TMEM117: variants seen among roughly 807,000 people sequenced by gnomAD.
TMEM117 encodes the protein transmembrane protein 117.
In TMEM117, 27 loss-of-function variants were observed where a neutral mutation model predicts 52.4. The ratio of observed to expected loss-of-function variants is 0.51; its 90% CI spans 0.38 to 0.71. TMEM117 has a LOEUF of 0.71. Ranked by LOEUF, TMEM117 falls within the 30% of genes least tolerant of loss-of-function variation. The pLI, the probability that TMEM117 is intolerant of heterozygous loss-of-function variation, is 0.00. For missense variants in TMEM117, 556 were observed against 630.5 expected, an observed-to-expected ratio of 0.88 and a Z score of 1.26; for synonymous variants, 215 against 206.3, an observed-to-expected ratio of 1.04 and a Z score of -0.36.
chr12:43,981,227 T>A (rs940779561), intron 3 of TMEM117, among the ~76,000 whole-genome samples: 1 of 152,220 alleles, frequency 6.6e-6, no homozygotes, highest in Non-Finnish European at 1.5e-5. Flanking sequence ...TCATTGGCCA[T>A]TTGATTATAT....
At chr12:44,231,707 C>T (rs1949935134) in intron 5 of TMEM117, among the ~76,000 whole-genome samples, 1 of 151,728 alleles carries the variant, frequency 6.6e-6, no homozygotes, top group Non-Finnish European at 1.5e-5. Context: ...TTGTATTCCC[C>T]TGATTATTGT....
chr12:44,231,990 T>C (rs1949939377), intron 5 of TMEM117, among the ~76,000 whole-genome samples: 1 of 151,652 alleles, frequency 6.6e-6, no homozygotes, highest in African/African-American at 2.4e-5. Context: ...AACTTCTCCA[T>C]GCCTCTTCTG....
At chr12:43,895,669 G>A (rs555596382) in intron 2 of TMEM117, among the ~76,000 whole-genome samples, 55 of 152,278 alleles carry the variant, frequency 3.6e-4, no homozygotes, top group Non-Finnish European at 4.4e-4. Flanking sequence ...TGTTATACAT[G>A]AGAAATGGTC....
chr12:43,824,798 G>A, the TMEM117 span, among the ~76,000 whole-genome samples: 232 of 152,264 alleles, frequency 1.5e-3, 1 homozygote, highest in African/African-American at 5.4e-3. Context: ...GCATGGTGGC[G>A]GGTGCCTGTA....
chr12:44,288,114 C>CT (rs1451127886), intron 5 of TMEM117, among the ~76,000 whole-genome samples: 1 of 152,110 alleles, frequency 6.6e-6, no homozygotes, highest in Non-Finnish European at 1.5e-5. Context: ...ATGGTGAAGT[C>CT]TATCAATTTT....
chr12:44,071,495 T>C (rs1337053925), intron 3 of TMEM117, among the ~76,000 whole-genome samples: 1 of 152,222 alleles, frequency 6.6e-6, no homozygotes, highest in Non-Finnish European at 1.5e-5. Flanking sequence ...CATTTAATCT[T>C]TATAACAACG....
chr12:44,298,186 T>A (rs1324765397), intron 5 of TMEM117, among the ~76,000 whole-genome samples: 1 of 150,712 alleles, frequency 6.6e-6, no homozygotes, highest in East Asian at 1.9e-4. Flanking sequence ...AATTTTTGGC[T>A]TAGAGGTTTA....
chr12:44,299,803 G>C, intron 6 of TMEM117, 64 bp downstream of exon 6: 1 of 1,569,878 alleles, frequency 6.4e-7, no homozygotes, highest in Non-Finnish European at 8.7e-7. Flanking sequence ...TAACAAACAG[G>C]ATATGGCAAC....
chr12:43,855,283 A>G (rs1370446755), intron 2 of TMEM117, among the ~76,000 whole-genome samples: 1 of 149,020 alleles, frequency 6.7e-6, no homozygotes, highest in Non-Finnish European at 1.5e-5. Context: ...TTTTTTTGAG[A>G]TGGAGTTTCA....
At chr12:43,808,000 G>GA in the TMEM117 span, among the ~76,000 whole-genome samples, 1 of 152,126 alleles carries the variant, frequency 6.6e-6, no homozygotes, top group African/African-American at 2.4e-5. Flanking sequence ...GTGACGAGCT[G>GA]AAAAAAATAG....
intron 6 of TMEM117, among the ~76,000 whole-genome samples, chr12:44,311,929 A>AT (rs1447427665): frequency 7.0e-6 from 1 of 143,504 alleles, no homozygotes; most frequent in Non-Finnish European, 1.5e-5. Flanking sequence ...ATATATATAT[A>AT]TTTTTCCTCC....
intron 6 of TMEM117, among the ~76,000 whole-genome samples, chr12:44,304,390 T>TA (rs1309668962): frequency 6.6e-6 from 1 of 152,192 alleles, no homozygotes; most frequent in Non-Finnish European, 1.5e-5. Flanking sequence ...AAAGGCAGTC[T>TA]AGGCCACAAG....
At chr12:44,282,333 A>G (rs1950588059) in intron 5 of TMEM117, among the ~76,000 whole-genome samples, 1 of 152,196 alleles carries the variant, frequency 6.6e-6, no homozygotes, top group Non-Finnish European at 1.5e-5. Context: ...TAACAGGCAG[A>G]GGTTGGAACA....
At chr12:44,181,918 G>T (rs1949205683) in intron 4 of TMEM117, among the ~76,000 whole-genome samples, 1 of 151,938 alleles carries the variant, frequency 6.6e-6, no homozygotes, top group African/African-American at 2.4e-5. Flanking sequence ...GATGGGGATG[G>T]CCTTGAATCT....
intron 5 of TMEM117, among the ~76,000 whole-genome samples, chr12:44,233,235 GTTTACC>G (rs1007369350): frequency 1.3e-5 from 2 of 151,180 alleles, no homozygotes; most frequent in Non-Finnish European, 3.0e-5. Flanking sequence ...AGAGTTCATA[GTTTACC>G]TTTATCAGCT....
chr12:44,135,913 A>T (rs566909077), intron 3 of TMEM117, among the ~76,000 whole-genome samples: 30 of 152,296 alleles, frequency 2.0e-4, no homozygotes, highest in African/African-American at 7.2e-4. Context: ...TTTTTGTTCT[A>T]CTTTGAACAG....
At chr12:44,397,579 T>C in the TMEM117 span, among the ~76,000 whole-genome samples, 5 of 152,232 alleles carry the variant, frequency 3.3e-5, no homozygotes, top group East Asian at 9.6e-4. Flanking sequence ...GCTGTACTTT[T>C]ATAACTGGTA....
intron 3 of TMEM117, among the ~76,000 whole-genome samples, chr12:44,039,104 T>A (rs910512673): frequency 6.6e-6 from 1 of 152,206 alleles, no homozygotes; most frequent in African/African-American, 2.4e-5. Flanking sequence ...GTTTCTTTCC[T>A]CTATGGATTG....
chr12:44,188,691 C>T (rs975567272), intron 4 of TMEM117, among the ~76,000 whole-genome samples: 7 of 152,104 alleles, frequency 4.6e-5, no homozygotes, highest in Non-Finnish European at 1.0e-4. Context: ...AGTACAATTG[C>T]AACCATCCCC....
Sources: allele counts gnomAD v4.1 joint callset (sites outside exome capture counted in the v4.1 genomes callset), GRCh38; gene constraint gnomAD v4.1.1; transcripts MANE v1.5; gene names NCBI Gene and HGNC (gene_info 2026-07-23, HGNC 2026-07-21).